Variants in FOXP1 observed in about 807,000 individuals in gnomAD.
FOXP1 encodes the protein forkhead box protein P1.
Under a neutral mutation model 98.2 loss-of-function variants are expected in FOXP1, and 15 were observed. The observed-to-expected ratio is 0.15, with a 90% CI of 0.10 to 0.24. The LOEUF (loss-of-function observed/expected upper bound fraction) is 0.24, where lower values mean the gene tolerates loss of function less well. Among genes scored for constraint, FOXP1 ranks in the 10% least tolerant of loss-of-function variants. The pLI is 1.00. For synonymous variants in FOXP1, 371 were observed against 314.5 expected, an observed-to-expected ratio of 1.18 and a Z score of -1.90; for missense variants, 633 against 848.5, an observed-to-expected ratio of 0.75 and a Z score of 3.15.
intron 8 of FOXP1, among the ~76,000 whole-genome samples, chr3:71,053,123 C>G (rs903031684): frequency 6.6e-6 from 1 of 152,054 alleles, no homozygotes; most frequent in African/African-American, 2.4e-5. Context: ...TATTAGGTCC[C>G]CATAGTGCAA....
At chr3:71,440,695 CAA>C (rs537681767) in intron 3 of FOXP1, among the ~76,000 whole-genome samples, 66 of 96,040 alleles carry the variant, frequency 6.9e-4, no homozygotes, top group African/African-American at 1.7e-3. Flanking sequence ...GACTCTGTCT[CAA>C]AAAAAAAAAA....
At position 71,519,289 on chromosome 3, in the gene FOXP1, G is replaced by C. The variant is rs558518833; in HGVS notation, c.-297-25734C>G. Among the ~76,000 whole-genome samples the C allele has an allele frequency of 3.9e-5, 6 of 152,308 alleles. 1 individual carries two copies. The highest frequency in any genetic ancestry group is 1.4e-4 in the African/African-American group (6 of 41,572). ...AAATAATAAAATAATGTGTGAGCAGGCAATTGCGTGAGCTGCCTAGAAGGC... is the reference window on the plus strand; with the variant it reads ...AAATAATAAAATAATGTGTGAGCAGCCAATTGCGTGAGCTGCCTAGAAGGC... On this transcript the variant is annotated intron_variant, in intron 2 of 20. Transcript: ENST00000649528.
chr3:71,269,594 G>A (rs963159267), intron 5 of FOXP1, among the ~76,000 whole-genome samples: 3 of 152,002 alleles, frequency 2.0e-5, no homozygotes, highest in African/African-American at 7.2e-5. Context: ...TAAGAATCCC[G>A]CCAAAGTGCA....
chr3:71,582,343 C>A (rs2048248600), intron 1 of FOXP1: 11 of 967,972 alleles, frequency 1.1e-5, no homozygotes, highest in Admixed American at 6.2e-5. Context: ...ACCGCGACCC[C>A]GCGGCAACTG....
intron 5 of FOXP1, among the ~76,000 whole-genome samples, chr3:71,199,470 T>G (rs1218873922): frequency 6.6e-6 from 1 of 150,410 alleles, no homozygotes; most frequent in African/African-American, 2.4e-5. Flanking sequence ...CTCACACCTG[T>G]AATCCCAGCA....
rs556674233 is a variant in FOXP1, at chr3:71,045,707, A to G, written c.664+1235T>C. ...AGGAAAAAGCCCTGGTCTCGATACT[A>G]AAAACAAAATCAGCCTCATAAGGGA... On this transcript the variant is annotated intron_variant, in intron 10 of 20. Coordinates refer to ENST00000649528, the MANE Select transcript of FOXP1 (RefSeq NM_001349338.3). Among the ~76,000 whole-genome samples the G allele has an allele frequency of 2.3e-3, 354 of 152,274 alleles. 1 individual carries two copies. The highest frequency in any genetic ancestry group is 3.6e-3 in the Non-Finnish European group (246 of 68,020).
intron 3 of FOXP1, among the ~76,000 whole-genome samples, chr3:71,432,721 C>G (rs143300154): frequency 3.9e-5 from 6 of 152,046 alleles, no homozygotes; most frequent in African/African-American, 1.2e-4. Flanking sequence ...CTATCCCCCC[C>G]ATCCAAAGAA....
chr3:71,000,889 C>T, intron 13 of FOXP1, 83 bp downstream of exon 13: 1 of 830,454 alleles, frequency 1.2e-6, no homozygotes, highest in Non-Finnish European at 2.1e-6. Context: ...ATAATGAGTA[C>T]ACAGGAACTC....
intron 6 of FOXP1, among the ~76,000 whole-genome samples, chr3:71,177,037 T>A (rs1488539150): frequency 1.3e-5 from 2 of 151,356 alleles, no homozygotes; most frequent in Non-Finnish European, 2.9e-5. Flanking sequence ...CACTCCAGCC[T>A]GGGCAACAGA....
intron 3 of FOXP1, among the ~76,000 whole-genome samples, chr3:71,472,228 C>G (rs1159533586): frequency 1.3e-5 from 2 of 151,928 alleles, no homozygotes; most frequent in East Asian, 1.9e-4. Context: ...CCACTCTCAC[C>G]CTGGATTATG....
chr3:71,311,096 T>A (rs2074652580), intron 4 of FOXP1, among the ~76,000 whole-genome samples: 1 of 152,208 alleles, frequency 6.6e-6, no homozygotes, highest in Admixed American at 6.5e-5. Context: ...TTTTTTGTTT[T>A]TGAGACATGG....
chr3:71,129,798 G>A (rs1478038720), intron 6 of FOXP1, among the ~76,000 whole-genome samples: 1 of 152,208 alleles, frequency 6.6e-6, no homozygotes, highest in African/African-American at 2.4e-5. Context: ...CTCAGAGCCA[G>A]GAGGCAGCCC....
chr3:71,250,896 A>C, intron 5 of FOXP1, among the ~76,000 whole-genome samples: 1 of 152,104 alleles, frequency 6.6e-6, no homozygotes, highest in Non-Finnish European at 1.5e-5. Flanking sequence ...GCGCCACTGC[A>C]CTCCAGCTTG....
intron 12 of FOXP1, among the ~76,000 whole-genome samples, chr3:71,005,327 A>AAC (rs1236382551): frequency 1.3e-5 from 2 of 148,982 alleles, no homozygotes; most frequent in East Asian, 3.9e-4. Context: ...AAAAAAAAAA[A>AAC]AAAAAAAAAA....
chr3:71,192,656 G>C (rs2063057202), intron 6 of FOXP1, among the ~76,000 whole-genome samples: 1 of 152,086 alleles, frequency 6.6e-6, no homozygotes, highest in Non-Finnish European at 1.5e-5. Context: ...TGTATTTTTT[G>C]TTTCTTGAAA....
chr3:71,130,712 T>C, intron 6 of FOXP1: 2 of 1,536,684 alleles, frequency 1.3e-6, no homozygotes, highest in Non-Finnish European at 1.7e-6. Flanking sequence ...TCAGGGAGGT[T>C]TGCCTCCACA....
At chr3:71,409,532 T>G (rs1442279965) in intron 3 of FOXP1, among the ~76,000 whole-genome samples, 1 of 151,582 alleles carries the variant, frequency 6.6e-6, no homozygotes, top group African/African-American at 2.4e-5. Context: ...ACAACTGCAC[T>G]AGGGCTCACC....
rs569260784 is a variant in FOXP1, at chr3:71,464,950, C to T, written c.-168+28476G>A. On this transcript the variant is annotated intron_variant, in intron 3 of 20. Coordinates refer to ENST00000649528, the MANE Select transcript of FOXP1 (RefSeq NM_001349338.3). Reference sequence around the variant, plus strand: ...CTCATCTGTAAAATGGAGACTGTAGCACCTGCCTCATAGGGTTTTCTACCA... The same window carrying T: ...CTCATCTGTAAAATGGAGACTGTAGTACCTGCCTCATAGGGTTTTCTACCA... Among the ~76,000 whole-genome samples the T allele has an allele frequency of 3.3e-5, 5 of 152,302 alleles. No homozygotes were observed. The East Asian group carries it at 9.7e-4, about 29-fold the overall frequency.
intron 2 of FOXP1, among the ~76,000 whole-genome samples, chr3:71,523,453 T>G (rs1313361901): frequency 6.6e-6 from 1 of 152,190 alleles, no homozygotes; most frequent in South Asian, 2.1e-4. Flanking sequence ...GCTTTCTCTC[T>G]TAAGACAAAT....
Sources: gnomAD v4.1 joint callset for allele counts (sites outside exome capture counted in the v4.1 genomes callset) on GRCh38, gnomAD v4.1.1 for gene constraint, MANE v1.5 for transcripts, NCBI Gene and HGNC (gene_info 2026-07-23, HGNC 2026-07-21) for gene names.